Variants in AHCTF1 observed in about 807,000 individuals in gnomAD.
The protein encoded by AHCTF1 is AT-hook containing transcription factor 1.
A neutral mutation model predicts 248.4 loss-of-function variants in AHCTF1; 24 were observed. That is an observed-to-expected ratio of 0.10 (90% CI 0.07 to 0.14). The LOEUF is 0.14. Among genes scored for constraint, AHCTF1 ranks in the 10% least tolerant of loss-of-function variants. AHCTF1 has a pLI of 1.00. For missense variants in AHCTF1, 2,206 were observed against 2,636.2 expected (o/e 0.84, Z 3.57); for synonymous variants, 786 against 929.8 (o/e 0.85, Z 2.81).
At chr1:246,930,573 C>CA (rs967011721) in intron 1 of AHCTF1, among the ~76,000 whole-genome samples, 6 of 143,686 alleles carry the variant, frequency 4.2e-5, no homozygotes, top group Admixed American at 7.1e-5. Context: ...TGAAAGCTCA[C>CA]AAAAAAACAG....
At chr1:246,891,693 T>C (rs1025686161) in intron 15 of AHCTF1, 86 bp downstream of exon 15, 3 of 1,433,418 alleles carry the variant, frequency 2.1e-6, no homozygotes, top group African/African-American at 2.9e-5. Flanking sequence ...TAATGATCCA[T>C]CTAAGACATG....
chr1:246,875,923 G>T lies in AHCTF1; in HGVS notation c.3088+114C>A, dbSNP rs146772616. 4.1e-3 allele frequency: 3,980 copies of T among 961,074 alleles called. 11 individuals carry two copies. The highest frequency in any genetic ancestry group is 5.6e-3 in the Non-Finnish European group (3,730 of 662,384). 59.5% of individuals were successfully genotyped at this position (961,074 alleles called of 1,614,324 possible). A position where few individuals can be genotyped will look rare whatever the true frequency, so the allele number is the denominator to read the frequency against. ...GAACCAAACCAGCAATATCTCCAAG[G>T]CATGCCTGTATGTGTTAGCGAAAGT... On this transcript the variant is annotated intron_variant, in intron 24 of 35. Transcript: ENST00000648844.
chr1:246,862,201 C>T (rs374281941), intron 27 of AHCTF1, 48 bp from the exon 28 acceptor site: 7 of 1,485,436 alleles, frequency 4.7e-6, no homozygotes, highest in East Asian at 4.8e-5. Context: ...TGCTTATAGG[C>T]CGGGCGCGGT....
intron 34 of AHCTF1, among the ~76,000 whole-genome samples, chr1:246,843,228 T>C (rs1410083196): frequency 1.3e-5 from 2 of 152,246 alleles, no homozygotes; most frequent in African/African-American, 4.8e-5. Context: ...ATTTACTCTG[T>C]TGGGAGGAAT....
chr1:246,892,009 T>C (rs1307592274), intron 14 of AHCTF1, 90 bp from the exon 15 acceptor site: 3 of 1,300,086 alleles, frequency 2.3e-6, no homozygotes, highest in Non-Finnish European at 3.2e-6. Flanking sequence ...CTCCTATCAC[T>C]CAAAAGAATT....
At chr1:246,930,837 C>T (rs1403860268) in intron 1 of AHCTF1, among the ~76,000 whole-genome samples, 1 of 152,170 alleles carries the variant, frequency 6.6e-6, no homozygotes, top group African/African-American at 2.4e-5. Context: ...ATTTCTACAA[C>T]TGACGATTTG....
chr1:246,894,619 A>G (rs774156282), intron 14 of AHCTF1, 40 bp downstream of exon 14: 2 of 1,463,220 alleles, frequency 1.4e-6, no homozygotes, highest in African/African-American at 1.4e-5. Flanking sequence ...TAGTATTTTA[A>G]TATTAAATTC....
intron 7 of AHCTF1, 98 bp from the exon 8 acceptor site, chr1:246,902,773 C>A: frequency 1.7e-6 from 2 of 1,184,968 alleles, no homozygotes; most frequent in Non-Finnish European, 2.3e-6. Flanking sequence ...TCACACAATA[C>A]AAAGAAAACA....
At chr1:246,868,109 TG>T (rs2103081774) in intron 24 of AHCTF1, among the ~76,000 whole-genome samples, 1 of 150,726 alleles carries the variant, frequency 6.6e-6, no homozygotes, top group South Asian at 2.1e-4. Flanking sequence ...ATTACAGGCA[TG>T]GCCACCAAGC....
intron 17 of AHCTF1, among the ~76,000 whole-genome samples, chr1:246,889,704 G>A (rs1664085233): frequency 6.6e-6 from 1 of 152,164 alleles, no homozygotes; most frequent in East Asian, 1.9e-4. Context: ...ACTGCAACTC[G>A]AGGAAGACGA....
chr1:246,907,772 T>G lies in AHCTF1; in HGVS notation c.557-14A>C. On this transcript the variant is annotated splice_polypyrimidine_tract_variant and intron_variant, in intron 4 of 35. Transcript: ENST00000648844. Reference sequence around the variant, plus strand: ...GAACTTCAAGATCTAAAACCACAAATTAGACAAATGAAGTTAAAAAACTAG... The same window carrying G: ...GAACTTCAAGATCTAAAACCACAAAGTAGACAAATGAAGTTAAAAAACTAG... 1 of 1,600,790 alleles carries G rather than the reference T, an allele frequency of 6.2e-7. No homozygotes were observed. The highest frequency in any genetic ancestry group is 8.5e-7 in the Non-Finnish European group (1 of 1,174,284).
intron 21 of AHCTF1, among the ~76,000 whole-genome samples, chr1:246,878,999 T>C (rs1663196586): frequency 6.6e-6 from 1 of 152,160 alleles, no homozygotes; most frequent in African/African-American, 2.4e-5. Context: ...AACCAAAATC[T>C]AGAAACGTTA....
chr1:246,910,628 TA>T (rs1394277758), intron 4 of AHCTF1, among the ~76,000 whole-genome samples: 10 of 152,122 alleles, frequency 6.6e-5, no homozygotes, highest in Non-Finnish European at 1.3e-4. Flanking sequence ...AAATCTTCAA[TA>T]AAAAAATTTA....
At chr1:246,899,921 T>C (rs1664874732) in intron 10 of AHCTF1, 144 bp downstream of exon 10, 1 of 732,562 alleles carries the variant, frequency 1.4e-6, no homozygotes, top group African/African-American at 1.8e-5. Flanking sequence ...CTTGTGTGTA[T>C]ATATTAATTT....
chr1:246,894,969 T>C (rs1162966699), intron 13 of AHCTF1, among the ~76,000 whole-genome samples: 2 of 151,114 alleles, frequency 1.3e-5, no homozygotes. Flanking sequence ...CATTTAATCA[T>C]GAGGAGCGAC....
In AHCTF1 at chr1:246,913,374, G is replaced by T; in HGVS notation, c.414C>A (p.Ala138=). The change falls in exon 4 of 36, where the codon GCC becomes GCA. Residue 138 remains alanine (A), a synonymous_variant. Coordinates refer to ENST00000648844, the MANE Select transcript of AHCTF1 (RefSeq NM_001323342.2). The stretch of plus-strand genomic sequence containing the variant: ...GATGTAAATGCTGAGTGCTTGCACT[G>T]GCTCCTCCATGATTAATTATAGGTT... ...AIEPIINHGG[A]SASTQHLHPS... 1 of 1,613,096 alleles carries T rather than the reference G, an allele frequency of 6.2e-7. No homozygotes were observed. Among genetic ancestry groups the T allele is most frequent in the Non-Finnish European group, 8.5e-7 (1 of 1,179,442 alleles).
At chr1:246,898,468 C>G in intron 11 of AHCTF1, 132 bp from the exon 12 acceptor site, 1 of 1,010,540 alleles carries the variant, frequency 9.9e-7, no homozygotes, top group Non-Finnish European at 1.4e-6. Flanking sequence ...GACTATATTT[C>G]CTGCAAGAAA....
At chr1:246,894,378 C>T (rs1365885849) in intron 14 of AHCTF1, among the ~76,000 whole-genome samples, 2 of 152,254 alleles carry the variant, frequency 1.3e-5, no homozygotes, top group African/African-American at 4.8e-5. Flanking sequence ...CGAGACCATC[C>T]TGGCTAACAC....
intron 24 of AHCTF1, among the ~76,000 whole-genome samples, chr1:246,868,301 C>G (rs867508056): frequency 1.3e-5 from 2 of 151,864 alleles, no homozygotes; most frequent in Non-Finnish European, 2.9e-5. Flanking sequence ...TTTTTGTATT[C>G]TAAAGTAAAG....
Sources: allele counts gnomAD v4.1 joint callset (sites outside exome capture counted in the v4.1 genomes callset), GRCh38; gene constraint gnomAD v4.1.1; transcripts MANE v1.5; gene names NCBI Gene and HGNC (gene_info 2026-07-23, HGNC 2026-07-21).